The following ARHGEF18 variants were observed in gnomAD, a reference collection of about 807,000 sequenced individuals.
ARHGEF18 encodes the protein rho guanine nucleotide exchange factor 18.
Under a neutral mutation model 155.7 loss-of-function variants are expected in ARHGEF18, and 93 were observed. The observed-to-expected ratio is 0.60, with a 90% CI of 0.50 to 0.71. The LOEUF is 0.71. Ranked by LOEUF, ARHGEF18 falls within the 30% of genes least tolerant of loss-of-function variation. The pLI is 0.00. For synonymous variants in ARHGEF18, 742 were observed against 753.1 expected (o/e 0.99, Z 0.24); for missense variants, 1,593 against 1,816.1 (o/e 0.88, Z 2.23).
At chr19:7,367,977 AAGAG>A (rs537429456) in intron 2 of ARHGEF18, among the ~76,000 whole-genome samples, 31 of 66,782 alleles carry the variant, frequency 4.6e-4, no homozygotes, top group African/African-American at 9.2e-4. Flanking sequence ...AAAGGAAAGA[AAGAG>A]AGAGAGAGAG....
At chr19:7,370,158 C>T (rs551832942) in intron 2 of ARHGEF18, among the ~76,000 whole-genome samples, 2 of 152,034 alleles carry the variant, frequency 1.3e-5, no homozygotes, top group East Asian at 3.9e-4. Context: ...GATGGTGCCA[C>T]TCCACTCCAG....
At chr19:7,385,870 T>TCTCTCTC (rs1555704468) in intron 10 of ARHGEF18, among the ~76,000 whole-genome samples, 1 of 29,564 alleles carries the variant, frequency 3.4e-5, no homozygotes, top group African/African-American at 1.9e-4. Context: ...TCTCTCTCTC[T>TCTCTCTC]CCCCCCTCCC....
Position 7,467,479 on chromosome 19 carries a change from A to G in ARHGEF18, c.3275A>G (p.Glu1092Gly), listed in dbSNP as rs1309463742. ...ERAGARLQER[E>G]GEARQLRERL... is the part of the protein sequence containing the mutation. Reference sequence around the variant, plus strand: ...GCGGGCGCGCGGCTGCAGGAGCGCGAGGGCGAGGCGCGGCAGCTACGCGAG... The same window carrying G: ...GCGGGCGCGCGGCTGCAGGAGCGCGGGGGCGAGGCGCGGCAGCTACGCGAG... Residue 1092 changes from glutamate to glycine, a missense_variant, in exon 26 of 29, where the codon GAG becomes GGG. Transcript: ENST00000668164. 6.8e-7 allele frequency: 1 copy of G among 1,465,040 alleles called. No individual in the cohort carries two copies. The highest frequency in any genetic ancestry group is 1.4e-5 in the South Asian group (1 of 73,498). The allele number at this position is 1,465,040 out of a possible 1,614,324, so 90.8% of individuals were successfully genotyped here. A position where few individuals can be genotyped will look rare whatever the true frequency, so the allele number is the denominator to read the frequency against.
At chr19:7,398,832 A>G (rs1403785328) in intron 10 of ARHGEF18, among the ~76,000 whole-genome samples, 1 of 152,210 alleles carries the variant, frequency 6.6e-6, no homozygotes, top group African/African-American at 2.4e-5. Context: ...CTGTAGTATA[A>G]TTTTCATTCT....
At position 7,447,137 on chromosome 19, in the gene ARHGEF18, A is replaced by G; in HGVS notation, c.1706A>G (p.Gln569Arg). 1 of 1,613,430 alleles carries G rather than the reference A, an allele frequency of 6.2e-7. No homozygotes were observed. The highest frequency in any genetic ancestry group is 8.5e-7 in the Non-Finnish European group (1 of 1,179,744). The stretch of plus-strand genomic sequence containing the variant: ...GTTAGTCATTACAAGTTGCTGCTTC[A>G]GCAAAACAAGAAATTTCAAAACTTG... Reference protein sequence around the residue: ...EAVSHYKLLLQQNKKFQNLIK... With the variant: ...EAVSHYKLLLRQNKKFQNLIK... The change falls in exon 15 of 29, where the codon CAG (glutamine) becomes CGG (arginine). Residue 569 changes from glutamine to arginine, a missense_variant. Transcript: ENST00000668164.
At chr19:7,363,905 TGGAA>T (rs762869892) in intron 2 of ARHGEF18, among the ~76,000 whole-genome samples, 69 of 144,606 alleles carry the variant, frequency 4.8e-4, no homozygotes, top group Middle Eastern at 8.8e-3. Context: ...GATGGGTTGA[TGGAA>T]GGAAGGAGGA....
chr19:7,357,899 G>A (rs1969375848), intron 1 of ARHGEF18, among the ~76,000 whole-genome samples: 1 of 152,070 alleles, frequency 6.6e-6, no homozygotes, highest in South Asian at 2.1e-4. Flanking sequence ...GTGCATGTCT[G>A]ATGAGTGCAG....
intron 14 of ARHGEF18, 128 bp from the exon 15 acceptor site, chr19:7,446,913 AAG>A (rs1471104245): frequency 1.5e-5 from 17 of 1,129,918 alleles, no homozygotes; most frequent in Admixed American, 6.3e-5. Context: ...AAAAAAAAAG[AAG>A]AAGAAAGAAA....
At position 7,448,868 on chromosome 19, in the gene ARHGEF18, G is replaced by T. The variant is rs754825598; in HGVS notation, c.1737+1700G>T. On this transcript the variant is annotated intron_variant, in intron 15 of 28. Transcript: ENST00000668164. ...ACCACACTTGGATGATGGCTAGTTG[G>T]TTCTATCAACATTCACCTCTTTAGA... is the stretch of plus-strand genomic sequence containing the variant. Among the ~76,000 whole-genome samples the T allele has an allele frequency of 2.2e-4, 33 of 152,070 alleles. 1 individual carries two copies. Among genetic ancestry groups the T allele is most frequent in the Non-Finnish European group, 4.0e-4 (27 of 68,024 alleles).
chr19:7,477,003 C>T (rs947264599), downstream of ARHGEF18: 7 of 435,544 alleles, frequency 1.6e-5, no homozygotes, highest in South Asian at 7.4e-5. Flanking sequence ...AAGCCCTGCA[C>T]GGCCCCTGAA....
At chr19:7,389,512 TTC>T (rs1473219752) in intron 10 of ARHGEF18, among the ~76,000 whole-genome samples, 1 of 140,316 alleles carries the variant, frequency 7.1e-6, no homozygotes, top group African/African-American at 3.1e-5. Flanking sequence ...CCTTCCTTCC[TTC>T]CTTTCTTTCT....
In ARHGEF18 at chr19:7,458,702, C is replaced by T. The variant is rs1420724368; in HGVS notation, c.2360+12C>T. ...AGGGCTGTGGAGAGGTGAGGAGGGC[C>T]TGGGGGTCTCCCCACCCACTGTGTT... On this transcript the variant is annotated intron_variant, in intron 19 of 28. Transcript: ENST00000668164. 1 of 1,601,404 alleles carries T rather than the reference C, an allele frequency of 6.2e-7. No individual in the cohort carries two copies. The highest frequency in any genetic ancestry group is 8.5e-7 in the Non-Finnish European group (1 of 1,171,468).
chr19:7,409,784 T>TTTTA (rs1555712138), intron 10 of ARHGEF18, among the ~76,000 whole-genome samples: 2 of 136,464 alleles, frequency 1.5e-5, no homozygotes, highest in African/African-American at 5.8e-5. Context: ...TTTTTTTTTT[T>TTTTA]ATTGAGATGG....
intron 10 of ARHGEF18, among the ~76,000 whole-genome samples, chr19:7,435,113 G>T (rs1277936892): frequency 6.6e-6 from 1 of 151,988 alleles, no homozygotes; most frequent in East Asian, 1.9e-4. Flanking sequence ...GAGGCAGAAT[G>T]ACTTGAACCT....
At position 7,464,592 on chromosome 19, in the gene ARHGEF18, G is replaced by A; in HGVS notation, c.2806G>A (p.Asp936Asn). Reference sequence around the variant, plus strand: ...TTTCAAGAAGAAAGTCAGCAGCACTGACCCCAGGCCCCGAGACTGGCGAGG... The same window carrying A: ...TTTCAAGAAGAAAGTCAGCAGCACTAACCCCAGGCCCCGAGACTGGCGAGG... The part of the protein sequence containing the change: ...GSFKKKVSST[D>N]PRPRDWRGPP... The change falls in exon 23 of 29, where the codon GAC becomes AAC. Residue 936 changes from aspartate (D) to asparagine (N), a missense_variant. Coordinates refer to ENST00000668164, the MANE Select transcript of ARHGEF18 (RefSeq NM_001367823.1). The A allele has an allele frequency of 6.2e-7, 1 of 1,613,722 alleles. No homozygotes were observed. The highest frequency in any genetic ancestry group is 2.2e-5 in the East Asian group (1 of 44,862).
chr19:7,472,442 T>G lies in ARHGEF18; in HGVS notation c.*2144T>G, dbSNP rs1384543593. On this transcript the variant is annotated 3_prime_UTR_variant, in exon 29 of 29. Coordinates refer to ENST00000668164, the MANE Select transcript of ARHGEF18 (RefSeq NM_001367823.1). The stretch of plus-strand genomic sequence containing the variant: ...GATATTTCTGACCCGCTTTAGAACT[T>G]AAGACCTGATTCTAGCAATAAACGT... 6.3e-6 allele frequency: 1 copy of G among 158,884 alleles called. No individual in the cohort carries two copies. The highest frequency in any genetic ancestry group is 1.4e-5 in the Non-Finnish European group (1 of 71,298). The allele number at this position is 158,884 out of a possible 1,614,324, so 9.8% of individuals were successfully genotyped here. A position where few individuals can be genotyped will look rare whatever the true frequency, so the allele number is the denominator to read the frequency against.
At position 7,382,802 on chromosome 19, in the gene ARHGEF18, G is replaced by A. The variant is rs762227942; in HGVS notation, c.733G>A (p.Gly245Ser). 103 of 1,232,436 alleles carry A rather than the reference G, an allele frequency of 8.4e-5. No homozygotes were observed. Among genetic ancestry groups the A allele is most frequent in the South Asian group, 4.9e-4 (12 of 24,312 alleles). 76.3% of individuals were successfully genotyped at this position (1,232,436 alleles called of 1,614,324 possible). A position where few individuals can be genotyped will look rare whatever the true frequency, so the allele number is the denominator to read the frequency against. ...WFEFLSESED[G>S]AGKNEKSDKS... The stretch of plus-strand genomic sequence containing the variant: ...CCTCTCGTCCCTCAGGAGCGAGGAC[G>A]GTGCTGGCAAGAACGAGAAGAGTGA... The change falls in exon 9 of 29, where the codon GGT (glycine) becomes AGT (serine). Residue 245 changes from glycine to serine, a missense_variant. Coordinates refer to ENST00000668164, the MANE Select transcript of ARHGEF18 (RefSeq NM_001367823.1).
chr19:7,407,845 C>T (rs1972413715), intron 10 of ARHGEF18, among the ~76,000 whole-genome samples: 1 of 151,774 alleles, frequency 6.6e-6, no homozygotes. Flanking sequence ...GCCTGGAGTC[C>T]CAGCTACTCG....
At position 7,472,070 on chromosome 19, in the gene ARHGEF18, T is replaced by G. The variant is rs1977056929; in HGVS notation, c.*1772T>G. ...AGAACATTCCCAGACCCTGGCACCCTCCTGAGCCGGCGTGTGCCGGTCCAG... is the reference window on the plus strand; with the variant it reads ...AGAACATTCCCAGACCCTGGCACCCGCCTGAGCCGGCGTGTGCCGGTCCAG... On this transcript the variant is annotated 3_prime_UTR_variant, in exon 29 of 29. Coordinates refer to ENST00000668164, the MANE Select transcript of ARHGEF18 (RefSeq NM_001367823.1). 1 of 152,452 alleles carries G rather than the reference T, an allele frequency of 6.6e-6. No individual in the cohort carries two copies. Among genetic ancestry groups the G allele is most frequent in the South Asian group, 2.1e-4 (1 of 4,830 alleles). The allele number at this position is 152,452 out of a possible 1,614,324, so 9.4% of individuals were successfully genotyped here.
Sources: allele counts gnomAD v4.1 joint callset (sites outside exome capture counted in the v4.1 genomes callset), GRCh38; gene constraint gnomAD v4.1.1; transcripts MANE v1.5; gene names NCBI Gene and HGNC (gene_info 2026-07-23, HGNC 2026-07-21).